The following TSPAN9 variants were observed in gnomAD, a reference collection of about 807,000 sequenced individuals.
The protein encoded by TSPAN9 is tetraspanin 9, also known as tetraspanin-9.
In TSPAN9, 16 loss-of-function variants were observed where a neutral mutation model predicts 31.0. The ratio of observed to expected loss-of-function variants is 0.52; its 90% CI spans 0.35 to 0.78. TSPAN9 has a LOEUF of 0.78. TSPAN9 is among the 30% of genes least tolerant of loss of function. The probability of loss-of-function intolerance (pLI) is 0.01; values close to 1 mark genes in which losing one functional copy is unlikely to be tolerated. For synonymous variants in TSPAN9, 145 were observed against 121.6 expected, an observed-to-expected ratio of 1.19 and a Z score of -1.27; for missense variants, 272 against 312.5, an observed-to-expected ratio of 0.87 and a Z score of 0.98.
At chr12:3,150,102 C>T (rs916518454) in intron 2 of TSPAN9, among the ~76,000 whole-genome samples, 7 of 152,220 alleles carry the variant, frequency 4.6e-5, no homozygotes, top group Non-Finnish European at 8.8e-5. Flanking sequence ...AGACAGACAG[C>T]ACCAGCAGTG....
chr12:3,274,184 G>A (rs1178131930), intron 3 of TSPAN9, among the ~76,000 whole-genome samples: 1 of 152,174 alleles, frequency 6.6e-6, no homozygotes, highest in Non-Finnish European at 1.5e-5. Context: ...CTCCCATTGT[G>A]GCAACCAAAA....
chr12:3,245,968 T>C (rs1862117315), intron 3 of TSPAN9, among the ~76,000 whole-genome samples: 1 of 151,942 alleles, frequency 6.6e-6, no homozygotes. Flanking sequence ...TCCCTCTATA[T>C]TGGGCTATTC....
chr12:3,077,843 G>A (rs1374337191), intron 1 of TSPAN9, among the ~76,000 whole-genome samples: 1 of 152,128 alleles, frequency 6.6e-6, no homozygotes, highest in Non-Finnish European at 1.5e-5. Context: ...AGGGCCAGGG[G>A]GCCTTCGGGC....
At chr12:3,272,130 C>T (rs912787690) in intron 3 of TSPAN9, among the ~76,000 whole-genome samples, 6 of 152,100 alleles carry the variant, frequency 3.9e-5, no homozygotes, top group African/African-American at 1.4e-4. Flanking sequence ...GTCAGGGGGG[C>T]CAGGTCAGGG....
chr12:3,118,221 C>T (rs1364718461), intron 2 of TSPAN9, among the ~76,000 whole-genome samples: 1 of 140,130 alleles, frequency 7.1e-6, no homozygotes, highest in Non-Finnish European at 1.5e-5. Context: ...TGCATTATCA[C>T]ATTTACCTGA....
At chr12:3,083,890 A>G (rs560384322) in intron 2 of TSPAN9, 171 bp downstream of exon 2, 1 of 152,334 alleles carries the variant, frequency 6.6e-6, no homozygotes, top group African/African-American at 2.4e-5. Flanking sequence ...TTGATTTTCT[A>G]AGCTCCTTAA....
At chr12:3,167,216 A>G (rs974899810) in intron 2 of TSPAN9, among the ~76,000 whole-genome samples, 6 of 152,236 alleles carry the variant, frequency 3.9e-5, no homozygotes, top group African/African-American at 1.4e-4. Context: ...GCTGTAGTTC[A>G]TTGATGATCT....
chr12:3,216,036 T>C (rs954291107), intron 3 of TSPAN9, among the ~76,000 whole-genome samples: 6 of 152,232 alleles, frequency 3.9e-5, no homozygotes, highest in African/African-American at 1.4e-4. Context: ...CCATTATCCC[T>C]GGTCGCCCTG....
intron 1 of TSPAN9, among the ~76,000 whole-genome samples, chr12:3,079,904 G>A (rs1360755789): frequency 2.0e-5 from 3 of 151,460 alleles, no homozygotes; most frequent in Admixed American, 6.6e-5. Context: ...CCGAGTAGCT[G>A]GGACTATAGG....
At chr12:3,272,434 C>G (rs1046199794) in intron 3 of TSPAN9, among the ~76,000 whole-genome samples, 2 of 151,720 alleles carry the variant, frequency 1.3e-5, no homozygotes, top group African/African-American at 4.8e-5. Context: ...CAGGCATGTT[C>G]TGGGCCCTAC....
chr12:3,259,300 C>A (rs1162258072), intron 3 of TSPAN9, among the ~76,000 whole-genome samples: 1 of 152,182 alleles, frequency 6.6e-6, no homozygotes, highest in Non-Finnish European at 1.5e-5. Flanking sequence ...AACTCAGTAC[C>A]CTGCTACCAC....
chr12:3,137,286 C>T (rs2098332555), intron 2 of TSPAN9, among the ~76,000 whole-genome samples: 1 of 152,202 alleles, frequency 6.6e-6, no homozygotes, highest in Non-Finnish European at 1.5e-5. Flanking sequence ...GCAGCTGGGC[C>T]CTGCCCACGT....
chr12:3,231,823 C>G (rs2098390925), intron 3 of TSPAN9, among the ~76,000 whole-genome samples: 1 of 152,244 alleles, frequency 6.6e-6, no homozygotes, highest in Non-Finnish European at 1.5e-5. Context: ...GCCTTTTCAC[C>G]CGCTGTCGCG....
intron 2 of TSPAN9, among the ~76,000 whole-genome samples, chr12:3,196,669 G>C (rs987249101): frequency 1.3e-5 from 2 of 152,166 alleles, no homozygotes; most frequent in Non-Finnish European, 2.9e-5. Context: ...CTACAGCTTT[G>C]CTCAGGGACT....
chr12:3,285,173 A>T lies in TSPAN9; in HGVS notation c.*2057A>T, dbSNP rs1316295765. On this transcript the variant is annotated 3_prime_UTR_variant, in exon 9 of 9. Coordinates refer to ENST00000011898, the MANE Select transcript of TSPAN9 (RefSeq NM_006675.5). Reference sequence around the variant, plus strand: ...GCCTCCGCAGGAACCCCCAAAGTGCAGATTCCGGAGCAGACACATCCGGGC... The same window carrying T: ...GCCTCCGCAGGAACCCCCAAAGTGCTGATTCCGGAGCAGACACATCCGGGC... 6.8e-5 allele frequency: 10 copies of T among 146,772 alleles called. No homozygotes were observed. The East Asian group carries it at 2.1e-3, about 31-fold the overall frequency. 9.1% of individuals were successfully genotyped at this position (146,772 alleles called of 1,614,324 possible).
chr12:3,114,695 T>G (rs1243316701), intron 2 of TSPAN9, among the ~76,000 whole-genome samples: 1 of 151,908 alleles, frequency 6.6e-6, no homozygotes, highest in African/African-American at 2.4e-5. Context: ...ATACAAAGAT[T>G]AGCCAGGCAT....
In TSPAN9 at chr12:3,145,101, C is replaced by T. The variant is rs2098336539; in HGVS notation, c.-17-56076C>T. On this transcript the variant is annotated intron_variant, in intron 2 of 8. Transcript: ENST00000011898. ...TCATTCCTAGGGCTCCTTTTTCTTCCCCCCACTCCCTTGTGAGCACACAGT... is the reference window on the plus strand; with the variant it reads ...TCATTCCTAGGGCTCCTTTTTCTTCTCCCCACTCCCTTGTGAGCACACAGT... Among the ~76,000 whole-genome samples the T allele has an allele frequency of 2.6e-5, 4 of 152,286 alleles. No individual in the cohort carries two copies. The South Asian group carries it at 8.3e-4, about 32-fold the overall frequency.
chr12:3,163,621 CAG>C (rs1299510859), intron 2 of TSPAN9, among the ~76,000 whole-genome samples: 2 of 152,170 alleles, frequency 1.3e-5, no homozygotes, highest in African/African-American at 4.8e-5. Flanking sequence ...TTTTGCCACT[CAG>C]AGGATTTTCC....
chr12:3,268,835 T>G (rs1336313720), intron 3 of TSPAN9, among the ~76,000 whole-genome samples: 6 of 109,540 alleles, frequency 5.5e-5, no homozygotes, highest in African/African-American at 2.0e-4. Flanking sequence ...CGTGCATTCC[T>G]GCAGCCTGCC....
Sources: allele counts gnomAD v4.1 joint callset (sites outside exome capture counted in the v4.1 genomes callset), GRCh38; gene constraint gnomAD v4.1.1; transcripts MANE v1.5; gene names NCBI Gene and HGNC (gene_info 2026-07-23, HGNC 2026-07-21).